DOK4: variants seen among roughly 807,000 people sequenced by gnomAD.
DOK4 encodes downstream of tyrosine kinase 4.
DOK4 carries 26 observed loss-of-function variants against 40.1 expected under a neutral mutation model. The observed-to-expected ratio is 0.65, with a 90% confidence interval of 0.48 to 0.90. The LOEUF is 0.90. Ranked by LOEUF, DOK4 falls within the 40% of genes least tolerant of loss-of-function variation. DOK4 has a pLI of 0.00. For missense variants in DOK4, 392 were observed against 437.2 expected (o/e 0.90, Z 0.92); for synonymous variants, 179 against 177.0 (o/e 1.01, Z -0.09).
At chr16:57,487,220 C>T (rs2031564213), upstream of DOK4, 1 of 152,232 alleles carries the variant, frequency 6.6e-6, no homozygotes, top group South Asian at 2.1e-4. Context: ...GAGGAGCTGT[C>T]CCCCCTCTGG....
chr16:57,486,807 C>A (rs1015212575), upstream of DOK4, among the ~76,000 whole-genome samples: 3 of 150,714 alleles, frequency 2.0e-5, no homozygotes, highest in South Asian at 2.1e-4. Context: ...CAGCTCCCAG[C>A]CCCCATATCT....
chr16:57,486,741 C>T (rs556319653), upstream of DOK4, among the ~76,000 whole-genome samples: 1 of 152,246 alleles, frequency 6.6e-6, no homozygotes, highest in Non-Finnish European at 1.5e-5. Context: ...CTCCCAGCCC[C>T]CACATCTCAA....
intron 2 of DOK4, 30 bp from the exon 3 acceptor site, chr16:57,475,987 T>G: frequency 6.4e-7 from 1 of 1,571,174 alleles, no homozygotes; most frequent in Non-Finnish European, 8.7e-7. Flanking sequence ...GGCTCAGGCC[T>G]CCCTGGACCA....
chr16:57,486,099 A>G (rs892322532), intron 1 of DOK4, among the ~76,000 whole-genome samples: 41 of 151,740 alleles, frequency 2.7e-4, no homozygotes, highest in African/African-American at 9.9e-4. Flanking sequence ...GCGGGTGGAG[A>G]GAGCGCAGGG....
At chr16:57,486,344 G>A in exon 1 of DOK4, 1 of 151,854 alleles carries the variant, frequency 6.6e-6, no homozygotes, top group Non-Finnish European at 1.5e-5. Context: ...CTGCTCAGCG[G>A]CGCCGCGGAG....
At chr16:57,476,376 A>C in intron 2 of DOK4, 1 of 172,864 alleles carries the variant, frequency 5.8e-6, no homozygotes, top group African/African-American at 2.4e-5. Context: ...AGGCATCAAA[A>C]CACTAAGGAA....
At chr16:57,472,612 T>TG (rs1159280512) in exon 9 of DOK4, 1 of 152,606 alleles carries the variant, frequency 6.6e-6, no homozygotes, top group Admixed American at 6.5e-5. Context: ...GGCCTATTCC[T>TG]GGGGCAGGAA....
At chr16:57,487,128 C>T (rs1172210640), upstream of DOK4, 1 of 151,730 alleles carries the variant, frequency 6.6e-6, no homozygotes. Context: ...GTGGTTGACT[C>T]ACTGATCTGT....
At chr16:57,473,762 C>T in intron 7 of DOK4, 26 bp from the exon 8 acceptor site, 1 of 1,599,540 alleles carries the variant, frequency 6.3e-7, no homozygotes, top group South Asian at 1.1e-5. Context: ...AGGGGTCACT[C>T]CCATTAGTGG....
At position 57,479,518 on chromosome 16, in the gene DOK4, C is replaced by T; in HGVS notation, c.-11G>A. On this transcript the variant is annotated 5_prime_UTR_variant, in exon 2 of 9. In the 5' UTR this introduces an upstream ATG that the reference lacks. Transcript: ENST00000340099. This position sits in a 1 kb window ranked among gnomAD's most constrained non-coding sequence, Gnocchi z 5.8. ...GAAATTGGTCGCCATGGTTTTCCCACCTTTTAGGGGCGCGGGGCCTGGCAG... is the reference window on the plus strand; with the variant it reads ...GAAATTGGTCGCCATGGTTTTCCCATCTTTTAGGGGCGCGGGGCCTGGCAG... The T allele has an allele frequency of 1.9e-6, 3 of 1,613,362 alleles. No individual in the cohort carries two copies. The highest frequency in any genetic ancestry group is 2.5e-6 in the Non-Finnish European group (3 of 1,179,844).
In DOK4 at chr16:57,479,368, G is replaced by T; in HGVS notation, c.66+74C>A. ...GGCAGCCGCGTGCCCCACGCGCCAT[G>T]CCTCCAAGCCTGGGACCGAGTCCTC... On this transcript the variant is annotated intron_variant, in intron 2 of 8. Coordinates refer to ENST00000340099, the Ensembl canonical transcript of DOK4. This position sits in a 1 kb window ranked among gnomAD's most constrained non-coding sequence, Gnocchi z 5.8. The T allele has an allele frequency of 6.5e-7, 1 of 1,540,822 alleles. No homozygotes were observed. Among genetic ancestry groups the T allele is most frequent in the Non-Finnish European group, 8.9e-7 (1 of 1,126,038 alleles).
At chr16:57,476,966 T>A (rs1385177828) in intron 2 of DOK4, among the ~76,000 whole-genome samples, 2 of 152,216 alleles carry the variant, frequency 1.3e-5, no homozygotes. Context: ...CTGCCTAGAC[T>A]TTTTTCTGCC....
rs767604780 is a variant in DOK4 at position 57,474,789 on chromosome 16, C to G, written c.599+4G>C. On this transcript the variant is annotated splice_donor_region_variant and intron_variant, in intron 6 of 8. Coordinates refer to ENST00000340099, the Ensembl canonical transcript of DOK4. ...GACAGGGCTGGGAGGCGAGAGGGTCCTACCGGCCAGCCTCGAAGGTAAAGC... is the reference window on the plus strand; with the variant it reads ...GACAGGGCTGGGAGGCGAGAGGGTCGTACCGGCCAGCCTCGAAGGTAAAGC... 8.2e-5 allele frequency: 132 copies of G among 1,613,208 alleles called. 2 individuals carry two copies. The Middle Eastern group carries it at 1.7e-3, about 21-fold the overall frequency.
rs776422545 is a variant in DOK4, at chr16:57,475,946, C to A, written c.78G>T (p.Arg26Ser). The stretch of plus-strand genomic sequence containing the variant: ...AGGATTTCCGGAACACCAGCCAGCA[C>A]CTCCGGTAGATCTGTGGAGCGAGAT... Residue 26 changes from arginine to serine, a missense_variant, in exon 3 of 9, where the codon AGG (arginine) becomes AGT (serine). Arg to Ser is a moderately radical substitution (Grantham distance 110, BLOSUM62 -1). Transcript: ENST00000340099. 11 of 1,613,154 alleles carry A rather than the reference C, an allele frequency of 6.8e-6. No individual in the cohort carries two copies. The Middle Eastern group carries it at 8.3e-4, about 121-fold the overall frequency.
Position 57,475,966 on chromosome 16 carries a change from C to A in DOK4, c.67-9G>T. ...CAGCACCTCCGGTAGATCTGTGGAG[C>A]GAGATGACAGGGCTCAGGCCTCCCT... On this transcript the variant is annotated splice_polypyrimidine_tract_variant and intron_variant, in intron 2 of 8. Transcript: ENST00000340099. The A allele has an allele frequency of 6.2e-7, 1 of 1,610,090 alleles. No homozygotes were observed. The highest frequency in any genetic ancestry group is 8.5e-7 in the Non-Finnish European group (1 of 1,178,286).
At chr16:57,483,533 G>A (rs1394379767) in intron 1 of DOK4, among the ~76,000 whole-genome samples, 1 of 152,126 alleles carries the variant, frequency 6.6e-6, no homozygotes. Flanking sequence ...GGGAGGCCGA[G>A]GTGGGAGGAT....
chr16:57,473,239 T>C (rs2030951455), exon 9 of DOK4: 5 of 1,352,944 alleles, frequency 3.7e-6, no homozygotes, highest in South Asian at 3.0e-5. Context: ...AGCCTCATCC[T>C]TGGGGGCAAG....
intron 1 of DOK4, among the ~76,000 whole-genome samples, chr16:57,481,135 TG>T (rs2031394843): frequency 6.6e-6 from 1 of 152,186 alleles, no homozygotes; most frequent in East Asian, 1.9e-4. Flanking sequence ...CTGCTGGTTG[TG>T]CCAGCAGCTT....
chr16:57,475,655 A>G, intron 3 of DOK4, 35 bp from the exon 4 acceptor site: 1 of 909,834 alleles, frequency 1.1e-6, no homozygotes, highest in Non-Finnish European at 1.6e-6. Flanking sequence ...TAGCCAGGCC[A>G]GTGCATCTCT....
Sources: gnomAD v4.1 joint callset for allele counts (sites outside exome capture counted in the v4.1 genomes callset) on GRCh38, gnomAD v4.1.1 for gene constraint, Gnocchi (gnomAD v3.1) non-coding constraint, MANE v1.5 for transcripts, NCBI Gene and HGNC (gene_info 2026-07-23, HGNC 2026-07-21) for gene names.